ARID4B: variants seen among roughly 807,000 people sequenced by gnomAD.
The protein encoded by ARID4B is AT-rich interaction domain 4B.
A neutral mutation model predicts 147.5 loss-of-function variants in ARID4B; 26 were observed. That is an observed-to-expected ratio of 0.18 (90% CI 0.13 to 0.24). The LOEUF (loss-of-function observed/expected upper bound fraction) is 0.24, where lower values mean the gene tolerates loss of function less well. Among genes scored for constraint, ARID4B ranks in the 10% least tolerant of loss-of-function variants. ARID4B has a pLI of 1.00. For synonymous variants in ARID4B, 512 were observed against 507.9 expected (o/e 1.01, Z -0.11); for missense variants, 1,179 against 1,511.5 (o/e 0.78, Z 3.65).
intron 2 of ARID4B, among the ~76,000 whole-genome samples, chr1:235,274,209 T>C (rs1470034955): frequency 1.3e-5 from 2 of 150,832 alleles, no homozygotes; most frequent in East Asian, 3.9e-4. Context: ...ACAAAAAAGC[T>C]ACTAAAATAC....
chr1:235,194,608 G>A (rs993333426), intron 18 of ARID4B, among the ~76,000 whole-genome samples: 3 of 152,076 alleles, frequency 2.0e-5, no homozygotes, highest in Admixed American at 6.6e-5. Flanking sequence ...ATCACCTGAG[G>A]TCAGGAGGTC....
At chr1:235,322,017 A>C (rs1674873908) in intron 2 of ARID4B, among the ~76,000 whole-genome samples, 1 of 151,828 alleles carries the variant, frequency 6.6e-6, no homozygotes, top group African/African-American at 2.4e-5. Context: ...GGTTCCATGT[A>C]GTTTTCAAGA....
chr1:235,258,194 G>A (rs555972925), intron 3 of ARID4B, among the ~76,000 whole-genome samples: 1 of 152,104 alleles, frequency 6.6e-6, no homozygotes, highest in Non-Finnish European at 1.5e-5. Context: ...ACCCAGGCAT[G>A]GTGGCGCATG....
At chr1:235,198,717 A>C (rs989876887) in intron 17 of ARID4B, among the ~76,000 whole-genome samples, 1 of 152,238 alleles carries the variant, frequency 6.6e-6, no homozygotes, top group Non-Finnish European at 1.5e-5. Flanking sequence ...CACACACACA[A>C]AAATAAATTC....
chr1:235,267,342 C>T (rs568339703), intron 2 of ARID4B, among the ~76,000 whole-genome samples: 2 of 152,232 alleles, frequency 1.3e-5, no homozygotes, highest in East Asian at 3.9e-4. Flanking sequence ...AACCACGTGA[C>T]AATAAATCTA....
chr1:235,171,107 G>C (rs1171893270), intron 23 of ARID4B, among the ~76,000 whole-genome samples: 1 of 151,896 alleles, frequency 6.6e-6, no homozygotes, highest in Non-Finnish European at 1.5e-5. Context: ...TTCCTGCATT[G>C]GTTTTAGTTT....
chr1:235,263,921 G>C (rs1670443139), intron 2 of ARID4B, among the ~76,000 whole-genome samples: 1 of 152,062 alleles, frequency 6.6e-6, no homozygotes, highest in African/African-American at 2.4e-5. Context: ...GTGAACCTGG[G>C]AGGCGGGGCT....
chr1:235,325,723 T>G (rs560930585), intron 2 of ARID4B, among the ~76,000 whole-genome samples: 1 of 152,340 alleles, frequency 6.6e-6, no homozygotes, highest in African/African-American at 2.4e-5. Context: ...ATGTCTATGC[T>G]TCATGAAATG....
chr1:235,290,628 C>T (rs1007697955), intron 2 of ARID4B, among the ~76,000 whole-genome samples: 4 of 152,172 alleles, frequency 2.6e-5, no homozygotes, highest in Admixed American at 1.3e-4. Context: ...TATGTTACAT[C>T]GTAAATCTTA....
intron 2 of ARID4B, among the ~76,000 whole-genome samples, chr1:235,326,474 T>A (rs1675269946): frequency 6.6e-6 from 1 of 152,230 alleles, no homozygotes; most frequent in South Asian, 2.1e-4. Flanking sequence ...AATCTTTCAA[T>A]TAAATTATTT....
At chr1:235,285,206 C>T (rs1272344411) in intron 2 of ARID4B, among the ~76,000 whole-genome samples, 1 of 152,066 alleles carries the variant, frequency 6.6e-6, no homozygotes, top group African/African-American at 2.4e-5. Context: ...ACGCCCAGCC[C>T]AAAAATTCTA....
intron 2 of ARID4B, 127 bp from the exon 3 acceptor site, chr1:235,260,879 A>C: frequency 1.6e-6 from 1 of 617,258 alleles, no homozygotes; most frequent in Non-Finnish European, 2.7e-6. Flanking sequence ...TGTTAACAAG[A>C]CCAATCTATA....
chr1:235,272,207 A>C (rs1423687155), intron 2 of ARID4B, among the ~76,000 whole-genome samples: 3 of 152,180 alleles, frequency 2.0e-5, no homozygotes, highest in Non-Finnish European at 1.5e-5. Flanking sequence ...ACTTATGCTA[A>C]ATACTCATTG....
chr1:235,189,399 C>CAAAAAAAAAAAAAAAAAAAA (rs11299121), intron 19 of ARID4B, among the ~76,000 whole-genome samples: 1 of 58,920 alleles, frequency 1.7e-5, no homozygotes, highest in African/African-American at 8.1e-5. Context: ...GACTCAGTCT[C>CAAAAAAAAAAAAAAAAAAAA]AAAAAAAAAA....
intron 7 of ARID4B, among the ~76,000 whole-genome samples, chr1:235,245,858 A>T (rs968946826): frequency 6.6e-6 from 1 of 152,180 alleles, no homozygotes; most frequent in African/African-American, 2.4e-5. Flanking sequence ...GTGAGGTATG[A>T]AAAGATTAAG....
chr1:235,187,103 C>T (rs1423904818), intron 19 of ARID4B: 33 of 292,480 alleles, frequency 1.1e-4, no homozygotes, highest in African/African-American at 7.7e-4. Context: ...TTTTTGTAGA[C>T]GGAGTTTCAC....
chr1:235,270,473 TTA>T (rs1670910594), intron 2 of ARID4B, among the ~76,000 whole-genome samples: 1 of 42,038 alleles, frequency 2.4e-5, no homozygotes, highest in African/African-American at 9.7e-5. Flanking sequence ...CTAAGCTACT[TTA>T]GGTTATAAGT....
intron 17 of ARID4B, among the ~76,000 whole-genome samples, chr1:235,212,857 G>A (rs1666795977): frequency 1.3e-5 from 2 of 152,062 alleles, no homozygotes; most frequent in Admixed American, 1.3e-4. Flanking sequence ...CCAAACCACA[G>A]AATATAATTT....
At chr1:235,177,519 A>G (rs1663972870) in intron 21 of ARID4B, 1 of 230,024 alleles carries the variant, frequency 4.3e-6, no homozygotes, top group African/African-American at 2.3e-5. Context: ...GTACGTGTGC[A>G]CAATGTGCAG....
Sources: allele counts gnomAD v4.1 joint callset (sites outside exome capture counted in the v4.1 genomes callset), GRCh38; gene constraint gnomAD v4.1.1; transcripts MANE v1.5; gene names NCBI Gene and HGNC (gene_info 2026-07-23, HGNC 2026-07-21).